KCNG2: variants seen among roughly 807,000 people sequenced by gnomAD.
KCNG2 encodes potassium voltage-gated channel modifier subfamily G member 2.
Under a neutral mutation model 12.3 loss-of-function variants are expected in KCNG2, and 7 were observed. The ratio of observed to expected loss-of-function variants is 0.57; its 90% CI spans 0.32 to 1.07. The LOEUF (loss-of-function observed/expected upper bound fraction) is 1.07. Ranked by LOEUF, KCNG2 falls within the 50% of genes least tolerant of loss-of-function variation. The pLI is 0.04. For missense variants in KCNG2, 703 were observed against 726.0 expected, an observed-to-expected ratio of 0.97 and a Z score of 0.36; for synonymous variants, 414 against 351.4, an observed-to-expected ratio of 1.18 and a Z score of -1.99.
At chr18:79,859,142 A>G (rs1055565864) in intron 2 of KCNG2, among the ~76,000 whole-genome samples, 1 of 152,126 alleles carries the variant, frequency 6.6e-6, no homozygotes, top group Non-Finnish European at 1.5e-5. Context: ...CCAATGTCTC[A>G]TCCATGGTCA....
intron 1 of KCNG2, among the ~76,000 whole-genome samples, chr18:79,813,529 G>A (rs2087507365): frequency 6.6e-6 from 1 of 152,216 alleles, no homozygotes; most frequent in Non-Finnish European, 1.5e-5. Context: ...AGGTGCAGTT[G>A]GTCATCCATG....
At chr18:79,893,222 G>A (rs78603747) in intron 3 of KCNG2, among the ~76,000 whole-genome samples, 10 of 151,494 alleles carry the variant, frequency 6.6e-5, no homozygotes, top group African/African-American at 9.7e-5. Flanking sequence ...CACATCTAAT[G>A]GTACGATTGA....
chr18:79,817,231 CACACACCTGCCACATGGATGTT>C (rs1446070155), intron 1 of KCNG2, among the ~76,000 whole-genome samples: 37 of 152,014 alleles, frequency 2.4e-4, no homozygotes, highest in African/African-American at 8.9e-4. Context: ...ACACGGCTGT[CACACACCTGCCACATGGATGTT>C]ACACAGCTGT....
rs183775707 is a variant in KCNG2, at chr18:79,887,808, C to T, written c.625-11232C>T. On this transcript the variant is annotated intron_variant, in intron 3 of 3. Transcript: ENST00000316249. ...GGTGGCTCCCCCACTTTTCCCAGGG[C>T]CTGTGAAGTTCGGGAATGGACTGGA... 7.0e-3 allele frequency among the ~76,000 whole-genome samples: 1,070 copies of T among 152,284 alleles called. 16 individuals carry two copies. Among genetic ancestry groups the T allele is most frequent in the African/African-American group, 0.025 (1,030 of 41,546 alleles).
chr18:79,849,715 A>G (rs1165764939), intron 1 of KCNG2, among the ~76,000 whole-genome samples: 1 of 152,202 alleles, frequency 6.6e-6, no homozygotes, highest in African/African-American at 2.4e-5. Flanking sequence ...GGCCACCGGA[A>G]GCCTTGTTCT....
intron 1 of KCNG2, among the ~76,000 whole-genome samples, chr18:79,809,834 C>G (rs1426857622): frequency 6.6e-6 from 1 of 152,234 alleles, no homozygotes; most frequent in Non-Finnish European, 1.5e-5. Context: ...AGAATGTGGC[C>G]AAATGCCCGT....
chr18:79,813,097 G>A (rs541996110), intron 1 of KCNG2, among the ~76,000 whole-genome samples: 1 of 152,052 alleles, frequency 6.6e-6, no homozygotes, highest in Non-Finnish European at 1.5e-5. Flanking sequence ...GGAGGTTGCG[G>A]TGAGCCGAGA....
intron 1 of KCNG2, among the ~76,000 whole-genome samples, chr18:79,817,099 C>T (rs907892761): frequency 5.3e-5 from 8 of 150,786 alleles, no homozygotes; most frequent in Non-Finnish European, 5.9e-5. Context: ...ATGCCTGTCA[C>T]GTTTGTCACA....
At chr18:79,882,763 CGG>C (rs1980351536) in intron 3 of KCNG2, among the ~76,000 whole-genome samples, 3 of 146,458 alleles carry the variant, frequency 2.0e-5, no homozygotes, top group Admixed American at 6.7e-5. Flanking sequence ...CCGTGGAGCG[CGG>C]AGGCCGGGTA....
At chr18:79,867,455 G>C (rs766989926) in intron 3 of KCNG2, among the ~76,000 whole-genome samples, 5 of 12,694 alleles carry the variant, frequency 3.9e-4, no homozygotes, top group African/African-American at 4.6e-4. Context: ...TCGTGTCTTG[G>C]GGGGGGGACC....
chr18:79,867,717 G>A (rs1979661617), intron 3 of KCNG2, among the ~76,000 whole-genome samples: 1 of 152,114 alleles, frequency 6.6e-6, no homozygotes, highest in African/African-American at 2.4e-5. Flanking sequence ...CCCTGAAAAA[G>A]TCTCCCTGCG....
intron 2 of KCNG2, among the ~76,000 whole-genome samples, chr18:79,862,136 T>C (rs1206519203): frequency 3.3e-5 from 5 of 152,264 alleles, no homozygotes; most frequent in Non-Finnish European, 5.9e-5. Context: ...TATTCTGTTT[T>C]AGTTCCTTTT....
At chr18:79,835,311 C>T (rs916573145) in intron 1 of KCNG2, among the ~76,000 whole-genome samples, 14 of 152,174 alleles carry the variant, frequency 9.2e-5, no homozygotes, top group African/African-American at 2.9e-4. Flanking sequence ...AGAAAGATTT[C>T]GAATTTGGTG....
At chr18:79,893,361 C>T (rs1349690562) in intron 3 of KCNG2, among the ~76,000 whole-genome samples, 1 of 141,882 alleles carries the variant, frequency 7.0e-6, no homozygotes, top group Non-Finnish European at 1.5e-5. Flanking sequence ...CGATTAATAT[C>T]GTTGGGTCTG....
chr18:79,883,066 G>A (rs1432929103), intron 3 of KCNG2, among the ~76,000 whole-genome samples: 1 of 152,268 alleles, frequency 6.6e-6, no homozygotes, highest in Non-Finnish European at 1.5e-5. Context: ...GACCGCGACG[G>A]CCGGTGCCAG....
chr18:79,882,807 A>G (rs7244491), intron 3 of KCNG2, among the ~76,000 whole-genome samples: 14,829 of 133,848 alleles, frequency 0.11, 1,505 homozygotes, highest in Middle Eastern at 0.14. Context: ...GGCCGGGTAC[A>G]CCTGCGCGTG....
chr18:79,872,482 A>G (rs192761437), intron 3 of KCNG2, among the ~76,000 whole-genome samples: 10 of 152,120 alleles, frequency 6.6e-5, no homozygotes, highest in Admixed American at 6.5e-4. Flanking sequence ...GACGGGTTTC[A>G]CCATGTTGGC....
rs563517444 is a variant in KCNG2, at chr18:79,882,851, C to T, written c.625-16189C>T. Among the ~76,000 whole-genome samples the T allele has an allele frequency of 4.0e-5, 6 of 151,274 alleles. No homozygotes were observed. The South Asian group carries it at 6.2e-4, about 16-fold the overall frequency. ...AGGCCGGGTACACCTGCGCGTGGAG[C>T]GCGGAGGCCGGGTACACCTGCGCGT... On this transcript the variant is annotated intron_variant, in intron 3 of 3. Transcript: ENST00000316249.
chr18:79,827,954 C>G (rs1978287452), intron 1 of KCNG2, among the ~76,000 whole-genome samples: 1 of 139,322 alleles, frequency 7.2e-6, no homozygotes, highest in African/African-American at 2.7e-5. Flanking sequence ...GATGTAGTCT[C>G]CCTCTGTTGC....
Sources: gnomAD v4.1 joint callset for allele counts (sites outside exome capture counted in the v4.1 genomes callset) on GRCh38, gnomAD v4.1.1 for gene constraint, MANE v1.5 for transcripts, NCBI Gene and HGNC (gene_info 2026-07-23, HGNC 2026-07-21) for gene names.